RCC1: variants seen among roughly 807,000 people sequenced by gnomAD.
RCC1 encodes the protein regulator of chromosome condensation.
A neutral mutation model predicts 44.4 loss-of-function variants in RCC1; 11 were observed. That is an observed-to-expected ratio of 0.25 (90% CI 0.16 to 0.41). The LOEUF (loss-of-function observed/expected upper bound fraction) is 0.41, where lower values mean the gene tolerates loss of function less well. RCC1 is among the 10% of genes least tolerant of loss of function. The pLI is 1.00. For synonymous variants in RCC1, 213 were observed against 216.5 expected, an observed-to-expected ratio of 0.98 and a Z score of 0.14; for missense variants, 386 against 547.1, an observed-to-expected ratio of 0.71 and a Z score of 2.94.
chr1:28,515,443 G>A (rs1166020662), intron 3 of RCC1, among the ~76,000 whole-genome samples: 3 of 150,974 alleles, frequency 2.0e-5, no homozygotes, highest in East Asian at 2.0e-4. Context: ...GGGGCTGGGC[G>A]CAGTAGTTCA....
At chr1:28,511,171 T>TTGC (rs753167730) in intron 3 of RCC1, among the ~76,000 whole-genome samples, 3 of 152,154 alleles carry the variant, frequency 2.0e-5, no homozygotes, top group Non-Finnish European at 2.9e-5. Context: ...ATCCCACCAC[T>TTGC]TGCTGTTCAT....
intron 4 of RCC1, among the ~76,000 whole-genome samples, chr1:28,524,996 C>T (rs1286628532): frequency 6.6e-6 from 1 of 152,124 alleles, no homozygotes; most frequent in Admixed American, 6.6e-5. Context: ...CTTTATTCAG[C>T]TGGGAGCTTT....
At chr1:28,511,305 G>A (rs1447186976) in intron 3 of RCC1, among the ~76,000 whole-genome samples, 1 of 152,116 alleles carries the variant, frequency 6.6e-6, no homozygotes, top group Non-Finnish European at 1.5e-5. Context: ...GATTCTTAGG[G>A]TCTCTAGATG....
chr1:28,537,791 G>T, intron 12 of RCC1, 41 bp from the exon 13 acceptor site: 1 of 1,574,120 alleles, frequency 6.4e-7, no homozygotes, highest in African/African-American at 1.3e-5. Flanking sequence ...AGGTGGGCTG[G>T]GGATCCTGGA....
intron 4 of RCC1, among the ~76,000 whole-genome samples, chr1:28,520,953 G>T (rs537647077): frequency 6.6e-6 from 1 of 152,056 alleles, no homozygotes; most frequent in Non-Finnish European, 1.5e-5. Flanking sequence ...GGTGGCTTGC[G>T]CCTGTAGTCC....
chr1:28,525,890 G>T (rs957202482), intron 4 of RCC1, among the ~76,000 whole-genome samples: 1 of 152,176 alleles, frequency 6.6e-6, no homozygotes, highest in Admixed American at 6.6e-5. Flanking sequence ...TGCTGGTTAG[G>T]CCCAGAGCTG....
At chr1:28,535,442 A>C in intron 9 of RCC1, 62 bp downstream of exon 9, 1 of 1,602,326 alleles carries the variant, frequency 6.2e-7, no homozygotes, top group Non-Finnish European at 8.5e-7. Flanking sequence ...GTGAAGGCCA[A>C]AGGCAGGAAG....
chr1:28,532,859 A>C (rs1481793332), intron 7 of RCC1: 3 of 388,940 alleles, frequency 7.7e-6, no homozygotes, highest in Non-Finnish European at 1.6e-5. Context: ...CTTGTTGCCC[A>C]GGCTGGAGTG....
chr1:28,530,629 C>A, intron 5 of RCC1: 1 of 1,590,668 alleles, frequency 6.3e-7, no homozygotes, highest in Non-Finnish European at 8.5e-7. Flanking sequence ...GCTCCGCGCC[C>A]GGGGCGCCCT....
chr1:28,515,969 G>A (rs1280775133), intron 3 of RCC1, among the ~76,000 whole-genome samples: 3 of 150,424 alleles, frequency 2.0e-5, no homozygotes, highest in East Asian at 2.0e-4. Context: ...ATCACCTGAC[G>A]TTTAGGAGTT....
rs200813021 is a variant in RCC1 at position 28,532,325 on chromosome 1, G to A, written c.416G>A (p.Arg139His). 60 of 1,613,970 alleles carry A rather than the reference G, an allele frequency of 3.7e-5. No homozygotes were observed. Among genetic ancestry groups the A allele is most frequent in the Admixed American group, 1.8e-4 (11 of 59,998 alleles). ...ACAGCAGCCCTCACCGATGATGGCC[G>A]TGTCTTCCTCTGGGGCTCCTTCCGG... The part of the protein sequence containing the change: ...SHTAALTDDG[R>H]VFLWGSFRDN... The change falls in exon 7 of 13, where the codon CGT (arginine) becomes CAT (histidine). Residue 139 changes from arginine to histidine, a missense_variant. Coordinates refer to ENST00000683442, the MANE Select transcript of RCC1 (RefSeq NM_001381865.2).
intron 4 of RCC1, among the ~76,000 whole-genome samples, chr1:28,529,201 T>G (rs77787940): frequency 7.0e-6 from 1 of 143,674 alleles, no homozygotes; most frequent in African/African-American, 2.6e-5. Context: ...TTTTTTTTTT[T>G]TTGAGACAGT....
At position 28,538,029 on chromosome 1, in the gene RCC1, T is replaced by C; in HGVS notation, c.*22T>C. ...CTGATGAAGCCTCTGAGGGCCTGGC[T>C]TCTGTCCTGCACAACCTCCCTCACA... On this transcript the variant is annotated 3_prime_UTR_variant, in exon 13 of 13. Coordinates refer to ENST00000683442, the MANE Select transcript of RCC1 (RefSeq NM_001381865.2). The C allele has an allele frequency of 6.2e-7, 1 of 1,605,260 alleles. No homozygotes were observed. The highest frequency in any genetic ancestry group is 1.1e-5 in the South Asian group (1 of 89,508).
chr1:28,530,466 C>T, intron 5 of RCC1: 1 of 1,497,786 alleles, frequency 6.7e-7, no homozygotes, highest in Non-Finnish European at 9.1e-7. Context: ...GAAAAGCCAG[C>T]ACCAAACTGG....
intron 4 of RCC1, 63 bp from the exon 5 acceptor site, chr1:28,529,795 T>C (rs916555760): frequency 6.0e-5 from 76 of 1,258,834 alleles, no homozygotes; most frequent in Middle Eastern, 3.7e-4. Context: ...TTGATAAATA[T>C]TGTCTGATTG....
Position 28,531,773 on chromosome 1 carries a change from C to G in RCC1, c.74-30C>G, listed in dbSNP as rs760693102. 4 of 1,495,590 alleles carry G rather than the reference C, an allele frequency of 2.7e-6. No homozygotes were observed. In the East Asian group the frequency reaches 9.3e-5, roughly 35 times the overall value. 92.6% of individuals were successfully genotyped at this position (1,495,590 alleles called of 1,614,324 possible). On this transcript the variant is annotated intron_variant, in intron 5 of 12. Transcript: ENST00000683442. Reference sequence around the variant, plus strand: ...CTCTCCTCGCTGTCGTCATCCTCTACACTCAGGGTCTATCTTCTTCACCCT... The same window carrying G: ...CTCTCCTCGCTGTCGTCATCCTCTAGACTCAGGGTCTATCTTCTTCACCCT...
At chr1:28,515,289 C>CA (rs985686842) in intron 3 of RCC1, among the ~76,000 whole-genome samples, 46 of 146,136 alleles carry the variant, frequency 3.1e-4, no homozygotes, top group African/African-American at 5.5e-4. Flanking sequence ...GACTCCGTCT[C>CA]AAAAAAAAAA....
intron 2 of RCC1, chr1:28,508,622 A>G (rs1662233554): frequency 1.9e-6 from 1 of 518,776 alleles, no homozygotes; most frequent in South Asian, 1.4e-5. Flanking sequence ...AGGGGAGCTT[A>G]GGGCTCTGCC....
intron 4 of RCC1, among the ~76,000 whole-genome samples, chr1:28,523,233 G>A (rs890655057): frequency 1.1e-4 from 17 of 151,600 alleles, no homozygotes; most frequent in African/African-American, 3.6e-4. Context: ...GGGTTTCACC[G>A]TGGTCTCGAT....
Sources: allele counts gnomAD v4.1 joint callset (sites outside exome capture counted in the v4.1 genomes callset), GRCh38; gene constraint gnomAD v4.1.1; transcripts MANE v1.5; gene names NCBI Gene and HGNC (gene_info 2026-07-23, HGNC 2026-07-21).